The following PCDHGA5 variants were observed in gnomAD, a reference collection of about 807,000 sequenced individuals.
PCDHGA5 encodes protocadherin gamma subfamily A, 5.
PCDHGA5 carries 36 observed loss-of-function variants against 56.7 expected under a neutral mutation model. The ratio of observed to expected loss-of-function variants is 0.64; its 90% CI spans 0.49 to 0.84. The LOEUF is 0.84. Ranked by LOEUF, PCDHGA5 falls within the 40% of genes least tolerant of loss-of-function variation. The probability of loss-of-function intolerance (pLI) is 0.00; values close to 1 mark genes in which losing one functional copy is unlikely to be tolerated. For missense variants in PCDHGA5, 1,305 were observed against 1,201.5 expected (o/e 1.09, Z -1.27); for synonymous variants, 563 against 520.2 (o/e 1.08, Z -1.12).
chr5:141,419,395 G>T (rs374575981), intron 1 of PCDHGA5: 50 of 1,613,478 alleles, frequency 3.1e-5, no homozygotes, highest in Non-Finnish European at 4.0e-5. Flanking sequence ...CGCAGAGCGG[G>T]GTGGTGTTCG....
At chr5:141,383,441 C>T (rs529896434) in intron 1 of PCDHGA5, 15 of 1,613,978 alleles carry the variant, frequency 9.3e-6, no homozygotes, top group South Asian at 7.7e-5. Flanking sequence ...TTCTCCCTGG[C>T]TGTGCAAAGT....
In PCDHGA5 at chr5:141,431,280, C is replaced by T. The variant is rs2097357763; in HGVS notation, c.2422-63527C>T. The T allele has an allele frequency of 1.9e-6, 3 of 1,614,146 alleles. No homozygotes were observed. Among genetic ancestry groups the T allele is most frequent in the South Asian group, 1.1e-5 (1 of 91,088 alleles). ...TCTCTGCAGAGCTACGAGCTCAGCC[C>T]GAACACTCACTTCTCCCTCATCGTG... On this transcript the variant is annotated intron_variant, in intron 1 of 3. Transcript: ENST00000518069. This position sits in a 1 kb window ranked among gnomAD's most constrained non-coding sequence, Gnocchi z 4.8.
At chr5:141,384,280 A>G (rs1779919886) in intron 1 of PCDHGA5, 2 of 1,613,714 alleles carry the variant, frequency 1.2e-6, no homozygotes, top group Non-Finnish European at 1.7e-6. Context: ...CTCAGTCTAC[A>G]TCGCTGAGAA....
At chr5:141,462,203 G>T (rs544238255) in intron 1 of PCDHGA5, among the ~76,000 whole-genome samples, 2 of 152,036 alleles carry the variant, frequency 1.3e-5, no homozygotes, top group African/African-American at 4.8e-5. Flanking sequence ...CAGGTGATCC[G>T]CCTGCCTCGG....
intron 1 of PCDHGA5, among the ~76,000 whole-genome samples, chr5:141,368,352 C>CAT (rs965270733): frequency 4.6e-5 from 7 of 152,124 alleles, no homozygotes; most frequent in East Asian, 1.9e-4. Flanking sequence ...TATACACACA[C>CAT]ATATATATAC....
chr5:141,475,343 G>A (rs1425482944), intron 1 of PCDHGA5, among the ~76,000 whole-genome samples: 1 of 152,178 alleles, frequency 6.6e-6, no homozygotes, highest in Non-Finnish European at 1.5e-5. Flanking sequence ...ATGACATCCA[G>A]TTTTAAAAGA....
intron 1 of PCDHGA5, chr5:141,408,468 G>T: frequency 6.2e-7 from 1 of 1,614,070 alleles, no homozygotes; most frequent in Non-Finnish European, 8.5e-7. Context: ...GTGAAGAACC[G>T]AATAGACCGT....
Position 141,477,020 on chromosome 5 carries a change from G to C in PCDHGA5, c.2422-17787G>C, listed in dbSNP as rs1383192345. The C allele has an allele frequency of 6.2e-7, 1 of 1,614,224 alleles. No homozygotes were observed. The highest frequency in any genetic ancestry group is 8.5e-7 in the Non-Finnish European group (1 of 1,180,048). On this transcript the variant is annotated intron_variant, in intron 1 of 3. Coordinates refer to ENST00000518069, the MANE Select transcript of PCDHGA5 (RefSeq NM_018918.3). The surrounding 1 kb of genome is among the most constrained non-coding windows in gnomAD (Gnocchi z 4.9). ...ACTATTCGCCTTAGACCTTGTAACC[G>C]GGATGCTGACAATCAAGGGTCGGCT...
intron 1 of PCDHGA5, chr5:141,409,921 G>C (rs767370997): frequency 2.7e-5 from 44 of 1,613,404 alleles, no homozygotes; most frequent in Non-Finnish European, 3.7e-5. Context: ...ACGGCTCCGC[G>C]TTCTTCGATA....
At chr5:141,403,590 C>A (rs770895828) in intron 1 of PCDHGA5, 7 of 1,613,866 alleles carry the variant, frequency 4.3e-6, no homozygotes, top group Non-Finnish European at 5.1e-6. Context: ...CTGGTCCTCA[C>A]GGCCTCGGAT....
intron 3 of PCDHGA5, chr5:141,507,335 T>A (rs1228652205): frequency 6.6e-6 from 1 of 151,804 alleles, no homozygotes; most frequent in Non-Finnish European, 1.5e-5. Context: ...TGCTCATTGT[T>A]TACCTGAAAT....
At chr5:141,413,316 T>G (rs769316460) in intron 1 of PCDHGA5, 1 of 1,613,976 alleles carries the variant, frequency 6.2e-7, no homozygotes, top group South Asian at 1.1e-5. Context: ...AGAAAGGCTC[T>G]TTCGTGGGCA....
chr5:141,467,055 CTTT>C (rs1193465269), intron 1 of PCDHGA5, among the ~76,000 whole-genome samples: 5 of 134,460 alleles, frequency 3.7e-5, no homozygotes, highest in Admixed American at 7.5e-5. Context: ...TCAATGTTTT[CTTT>C]TTTTTTTTTT....
At chr5:141,425,110 C>T (rs1335909720) in intron 1 of PCDHGA5, among the ~76,000 whole-genome samples, 1 of 152,166 alleles carries the variant, frequency 6.6e-6, no homozygotes, top group East Asian at 1.9e-4. Context: ...CAGATGCCTA[C>T]ATTTTTCTTG....
chr5:141,383,800 A>C, intron 1 of PCDHGA5: 1 of 1,614,000 alleles, frequency 6.2e-7, no homozygotes, highest in Non-Finnish European at 8.5e-7. Flanking sequence ...TACAGGAGAA[A>C]TATCAACTTT....
chr5:141,403,004 T>A, intron 1 of PCDHGA5: 1 of 1,613,990 alleles, frequency 6.2e-7, no homozygotes, highest in Non-Finnish European at 8.5e-7. Context: ...CCTGCTATGC[T>A]CGCTCCTGGG....
intron 1 of PCDHGA5, chr5:141,407,918 C>T (rs890872713): frequency 1.1e-5 from 5 of 472,514 alleles, no homozygotes. Context: ...GGGCTGCTGT[C>T]CCGCACGGAG....
Position 141,477,809 on chromosome 5 carries a change from C to A in PCDHGA5, c.2422-16998C>A. 1 of 1,614,146 alleles carries A rather than the reference C, an allele frequency of 6.2e-7. No individual in the cohort carries two copies. Among genetic ancestry groups the A allele is most frequent in the Non-Finnish European group, 8.5e-7 (1 of 1,180,040 alleles). On this transcript the variant is annotated intron_variant, in intron 1 of 3. Coordinates refer to ENST00000518069, the MANE Select transcript of PCDHGA5 (RefSeq NM_018918.3). The surrounding 1 kb of genome is among the most constrained non-coding windows in gnomAD (Gnocchi z 4.9). ...TGTCACTGATCGCAATGACAATGCC[C>A]CCCAGGTCCTATATCCTCGGCCAGG...
intron 1 of PCDHGA5, chr5:141,417,759 C>T: frequency 7.0e-7 from 1 of 1,437,100 alleles, no homozygotes; most frequent in South Asian, 1.5e-5. Flanking sequence ...AGCTCCGAGA[C>T]CCGGGACTCC....
Sources: allele counts gnomAD v4.1 joint callset (sites outside exome capture counted in the v4.1 genomes callset), GRCh38; gene constraint gnomAD v4.1.1; non-coding constraint Gnocchi (gnomAD v3.1); transcripts MANE v1.5; gene names NCBI Gene and HGNC (gene_info 2026-07-23, HGNC 2026-07-21).